PER2: variants seen among roughly 807,000 people sequenced by gnomAD.
The protein encoded by PER2 is period circadian regulator 2, also known as period circadian protein homolog 2.
Under a neutral mutation model 121.0 loss-of-function variants are expected in PER2, and 66 were observed. The observed-to-expected ratio is 0.55, with a 90% CI of 0.45 to 0.67. The LOEUF is 0.67. Among genes scored for constraint, PER2 ranks in the 30% least tolerant of loss-of-function variants. PER2 has a pLI of 0.00. For missense variants in PER2, 1,521 were observed against 1,635.0 expected (o/e 0.93, Z 1.20); for synonymous variants, 684 against 659.9 (o/e 1.04, Z -0.56).
In PER2 at chr2:238,253,296, G is replaced by A; in HGVS notation, c.2727C>T (p.Pro909=). 1 of 1,613,500 alleles carries A rather than the reference G, an allele frequency of 6.2e-7. No individual in the cohort carries two copies. The highest frequency in any genetic ancestry group is 8.5e-7 in the Non-Finnish European group (1 of 1,179,684). The change falls in exon 19 of 23, where the codon CCC becomes CCT. Residue 909 remains proline (P), a synonymous_variant. Transcript: ENST00000254657. This position sits in a 1 kb window ranked among gnomAD's most constrained non-coding sequence, Gnocchi z 5.6. The part of the protein sequence containing the change: ...PLAPVMAFML[P]SYSFPSGTPN... ...GGGTCCCCGAGGGGAAGGAATAACT[G>A]GGTAGCATGAATGCCATGACAGGCG...
At chr2:238,265,831 C>A (rs1433844677) in intron 8 of PER2, among the ~76,000 whole-genome samples, 1 of 152,026 alleles carries the variant, frequency 6.6e-6, no homozygotes, top group Non-Finnish European at 1.5e-5. Flanking sequence ...ATCGAAACTG[C>A]CGTGTTAACA....
chr2:238,261,305 G>A (rs1695923514), intron 12 of PER2: 2 of 394,548 alleles, frequency 5.1e-6, no homozygotes, highest in Non-Finnish European at 9.4e-6. Flanking sequence ...GAACTGACAG[G>A]CAGGCGCCTA....
intron 1 of PER2, among the ~76,000 whole-genome samples, chr2:238,279,542 C>T (rs1696567295): frequency 6.6e-6 from 1 of 152,218 alleles, no homozygotes; most frequent in African/African-American, 2.4e-5. Context: ...GTGCTCAGCC[C>T]CAACTCTGGC....
At chr2:238,276,813 G>A (rs1696469211) in intron 3 of PER2, among the ~76,000 whole-genome samples, 1 of 152,088 alleles carries the variant, frequency 6.6e-6, no homozygotes, top group Admixed American at 6.5e-5. Context: ...ATTGACATAG[G>A]GTAAGTTTGT....
intron 4 of PER2, among the ~76,000 whole-genome samples, chr2:238,274,223 C>T (rs1696382293): frequency 6.6e-6 from 1 of 152,256 alleles, no homozygotes; most frequent in Non-Finnish European, 1.5e-5. Context: ...AAGCCTGTCT[C>T]TGGGTGTCGG....
At chr2:238,264,716 C>G (rs1696041846) in intron 9 of PER2, among the ~76,000 whole-genome samples, 1 of 152,154 alleles carries the variant, frequency 6.6e-6, no homozygotes, top group African/African-American at 2.4e-5. Flanking sequence ...CCTTGAACTC[C>G]TAGGCTCAGT....
In PER2 at chr2:238,253,610, G is replaced by A. The variant is rs768522508; in HGVS notation, c.2413C>T (p.Arg805Ter). The change falls in exon 19 of 23, where the codon CGA (arginine) becomes TGA (stop). Residue 805 changes from arginine to a stop codon, truncating the protein, a stop_gained. Coordinates refer to ENST00000254657, the MANE Select transcript of PER2 (RefSeq NM_022817.3). LOFTEE classifies it high-confidence loss of function. The surrounding 1 kb of genome is among the most constrained non-coding windows in gnomAD (Gnocchi z 5.6). ...RKLKSKRVKPRDSSESTGSGG... is the reference protein window; with the variant it reads ...RKLKSKRVKP ...GATCCGGTGCTCTCAGATGAGTCTCGAGGTTTGACCCGCTTGGACTTCAAT... is the reference window on the plus strand; with the variant it reads ...GATCCGGTGCTCTCAGATGAGTCTCAAGGTTTGACCCGCTTGGACTTCAAT... 2 of 1,610,048 alleles carry A rather than the reference G, an allele frequency of 1.2e-6. No individual in the cohort carries two copies. Among genetic ancestry groups the A allele is most frequent in the Non-Finnish European group, 1.7e-6 (2 of 1,178,144 alleles).
intron 21 of PER2, among the ~76,000 whole-genome samples, chr2:238,249,757 G>T (rs1350265365): frequency 6.6e-6 from 1 of 152,254 alleles, no homozygotes; most frequent in Non-Finnish European, 1.5e-5. Flanking sequence ...CCTGGTGATA[G>T]TGAGTTGTAA....
At chr2:238,258,846 G>T (rs748431438) in intron 14 of PER2, among the ~76,000 whole-genome samples, 11 of 152,090 alleles carry the variant, frequency 7.2e-5, no homozygotes, top group African/African-American at 9.7e-5. Context: ...GAGACCTGGG[G>T]GGGGAGCTGC....
chr2:238,265,003 G>A (rs1374038572), intron 9 of PER2, among the ~76,000 whole-genome samples: 1 of 152,174 alleles, frequency 6.6e-6, no homozygotes, highest in Non-Finnish European at 1.5e-5. Flanking sequence ...GCATGGTGGG[G>A]GCAGAAGCCA....
intron 8 of PER2, among the ~76,000 whole-genome samples, chr2:238,265,904 A>ATTT (rs759618918): frequency 1.4e-5 from 2 of 140,746 alleles, no homozygotes; most frequent in Non-Finnish European, 1.6e-5. Flanking sequence ...CATCTTTACG[A>ATTT]TTTTTTTTTT....
chr2:238,269,401 G>A (rs1422690463), intron 6 of PER2, among the ~76,000 whole-genome samples: 1 of 139,616 alleles, frequency 7.2e-6, no homozygotes, highest in Non-Finnish European at 1.5e-5. Flanking sequence ...GTGCACTGCT[G>A]CAAACACACC....
Position 238,258,415 on chromosome 2 carries a change from T to A in PER2, c.1776-15A>T. ...TCTCCAAGTACCTGTGTGAAAGGCATGAACCACTGGTGAGGCCACACAACA... is the reference window on the plus strand; with the variant it reads ...TCTCCAAGTACCTGTGTGAAAGGCAAGAACCACTGGTGAGGCCACACAACA... On this transcript the variant is annotated splice_polypyrimidine_tract_variant and intron_variant, in intron 15 of 22. Transcript: ENST00000254657. 1 of 1,614,124 alleles carries A rather than the reference T, an allele frequency of 6.2e-7. No homozygotes were observed. Among genetic ancestry groups the A allele is most frequent in the Non-Finnish European group, 8.5e-7 (1 of 1,180,012 alleles).
At chr2:238,276,015 GCCC>G (rs1696444328) in intron 3 of PER2, 118 bp from the exon 4 acceptor site, 1 of 737,592 alleles carries the variant, frequency 1.4e-6, no homozygotes, top group Admixed American at 2.0e-5. Flanking sequence ...GGTCTGGGTG[GCCC>G]TTTGTGGGGC....
Position 238,262,222 on chromosome 2 carries a change from A to G in PER2, c.1276T>C (p.Ser426Pro). The G allele has an allele frequency of 1.2e-6, 2 of 1,613,992 alleles. No homozygotes were observed. Among genetic ancestry groups the G allele is most frequent in the Non-Finnish European group, 1.7e-6 (2 of 1,180,018 alleles). Residue 426 changes from serine to proline, a missense_variant, in exon 11 of 23, where the codon TCC becomes CCC. Ser to Pro is a moderately conservative substitution (Grantham distance 74). Coordinates refer to ENST00000254657, the MANE Select transcript of PER2 (RefSeq NM_022817.3). ...SFINPWSRKI[S>P]FIIGRHKVRV... is the part of the protein sequence containing the mutation. ...ACTTTGTGCCTCCCAATGATGAAGG[A>G]GATTTTCCTGCTCCATGGGTTGATG...
At chr2:238,277,102 T>G (rs780634300) in intron 3 of PER2, 29 bp downstream of exon 3, 48 of 1,505,782 alleles carry the variant, frequency 3.2e-5, no homozygotes, top group Non-Finnish European at 4.1e-5. Context: ...CTCTAAAACC[T>G]CTATGTATGA....
At chr2:238,291,623 T>A (rs997585055), upstream of PER2, among the ~76,000 whole-genome samples, 2 of 152,234 alleles carry the variant, frequency 1.3e-5, no homozygotes, top group Non-Finnish European at 2.9e-5. Flanking sequence ...CCCCTAGTGC[T>A]GGAGCCCCTT....
intron 3 of PER2, among the ~76,000 whole-genome samples, 173 bp from the exon 4 acceptor site, chr2:238,276,070 CTGGG>C: frequency 7.5e-6 from 1 of 133,236 alleles, no homozygotes; most frequent in Middle Eastern, 3.8e-3. Flanking sequence ...ATGTTCTGGT[CTGGG>C]TGGCCCTTTG....
At chr2:238,287,134 T>G (rs1696812550) in intron 1 of PER2, among the ~76,000 whole-genome samples, 1 of 152,180 alleles carries the variant, frequency 6.6e-6, no homozygotes, top group Admixed American at 6.5e-5. Flanking sequence ...CCTTCCCACC[T>G]GGCACTCCAG....
Sources: allele counts gnomAD v4.1 joint callset (sites outside exome capture counted in the v4.1 genomes callset), GRCh38; gene constraint gnomAD v4.1.1; non-coding constraint Gnocchi (gnomAD v3.1); transcripts MANE v1.5; gene names NCBI Gene and HGNC (gene_info 2026-07-23, HGNC 2026-07-21).